NIBAN1: variants seen among roughly 807,000 people sequenced by gnomAD.
The protein encoded by NIBAN1 is niban apoptosis regulator 1.
In NIBAN1, 81 loss-of-function variants were observed where a neutral mutation model predicts 75.1. That is an observed-to-expected ratio of 1.08 (90% CI 0.90 to 1.30). The LOEUF is 1.30. NIBAN1 is among the 50% of genes most tolerant of loss of function. The pLI, the probability that NIBAN1 is intolerant of heterozygous loss-of-function variation, is 0.00. For synonymous variants in NIBAN1, 436 were observed against 424.8 expected, an observed-to-expected ratio of 1.03 and a Z score of -0.32; for missense variants, 1,133 against 1,128.1, an observed-to-expected ratio of 1.00 and a Z score of -0.06.
At chr1:184,892,366 G>T (rs1442997237) in intron 3 of NIBAN1, among the ~76,000 whole-genome samples, 1 of 152,088 alleles carries the variant, frequency 6.6e-6, no homozygotes, top group Non-Finnish European at 1.5e-5. Context: ...AGTGGTAAAG[G>T]TATGAGTCAA....
chr1:184,801,792 C>G (rs75206407), intron 12 of NIBAN1, among the ~76,000 whole-genome samples: 7,883 of 152,292 alleles, frequency 0.052, 236 homozygotes, highest in Middle Eastern at 0.065. Context: ...ACTCAATAAA[C>G]AGTAGACCTT....
At chr1:184,942,536 A>C (rs1371828686) in intron 1 of NIBAN1, among the ~76,000 whole-genome samples, 1 of 152,122 alleles carries the variant, frequency 6.6e-6, no homozygotes, top group African/African-American at 2.4e-5. Flanking sequence ...TACTAAAAAT[A>C]CAAAAAAATT....
At chr1:184,955,652 T>C (rs2102070016) in intron 1 of NIBAN1, among the ~76,000 whole-genome samples, 1 of 152,264 alleles carries the variant, frequency 6.6e-6, no homozygotes, top group Non-Finnish European at 1.5e-5. Flanking sequence ...TTTTCTTACA[T>C]AAAGAATATG....
chr1:184,834,294 TTG>T (rs1316535401), intron 5 of NIBAN1, among the ~76,000 whole-genome samples: 1 of 152,220 alleles, frequency 6.6e-6, no homozygotes, highest in Non-Finnish European at 1.5e-5. Flanking sequence ...GTCTTTGCTA[TTG>T]TGAATAGTGC....
At chr1:184,818,598 G>T in intron 9 of NIBAN1, 40 bp downstream of exon 9, 1 of 1,511,754 alleles carries the variant, frequency 6.6e-7, no homozygotes, top group South Asian at 1.3e-5. Context: ...ACACAGCCAG[G>T]CAGACCATTC....
intron 1 of NIBAN1, among the ~76,000 whole-genome samples, chr1:184,937,396 A>G (rs980373332): frequency 6.6e-6 from 1 of 152,286 alleles, no homozygotes; most frequent in South Asian, 2.1e-4. Context: ...TTGTCCCACT[A>G]GAACCCTTCC....
At chr1:184,809,118 G>A (rs935494047) in intron 9 of NIBAN1, among the ~76,000 whole-genome samples, 1 of 152,168 alleles carries the variant, frequency 6.6e-6, no homozygotes, top group East Asian at 1.9e-4. Context: ...AAGATGCACT[G>A]TCCGACTTTC....
chr1:184,948,943 A>T (rs1038700841), intron 1 of NIBAN1, among the ~76,000 whole-genome samples: 1 of 152,192 alleles, frequency 6.6e-6, no homozygotes, highest in African/African-American at 2.4e-5. Context: ...TTTATGTAGT[A>T]ATTTAGAATC....
intron 3 of NIBAN1, among the ~76,000 whole-genome samples, chr1:184,892,581 G>A (rs1656696564): frequency 6.6e-6 from 1 of 151,992 alleles, no homozygotes; most frequent in African/African-American, 2.4e-5. Flanking sequence ...CTTAATAAAT[G>A]TTGAAAAGAG....
chr1:184,881,231 A>G (rs1165042059), intron 5 of NIBAN1, among the ~76,000 whole-genome samples: 4 of 152,128 alleles, frequency 2.6e-5, no homozygotes, highest in African/African-American at 4.8e-5. Context: ...GCCCTTACCT[A>G]CCTTAGGAGC....
chr1:184,877,562 A>G (rs1656265136), intron 5 of NIBAN1, among the ~76,000 whole-genome samples: 1 of 152,180 alleles, frequency 6.6e-6, no homozygotes, highest in South Asian at 2.1e-4. Context: ...AAGCTTGTTC[A>G]TGGTATGGGA....
chr1:184,845,631 C>T lies in NIBAN1; in HGVS notation c.602-13669G>A, dbSNP rs1309090047. On this transcript the variant is annotated intron_variant, in intron 5 of 13. Transcript: ENST00000367511. ...AAAGGGAATGTGGAGCCAAGATGGC[C>T]GAATAGGAACAGCTCCGGTCTACAG... 7.1e-5 allele frequency among the ~76,000 whole-genome samples: 2 copies of T among 28,064 alleles called. 1 individual carries two copies. The highest frequency in any genetic ancestry group is 4.4e-4 in the African/African-American group (2 of 4,548). 18.4% of individuals were successfully genotyped at this position (28,064 alleles called of 152,430 possible). A position where few individuals can be genotyped will look rare whatever the true frequency, so the allele number is the denominator to read the frequency against.
intron 1 of NIBAN1, among the ~76,000 whole-genome samples, chr1:184,956,037 T>G (rs72739649): frequency 3.6e-5 from 2 of 55,558 alleles, no homozygotes; most frequent in Non-Finnish European, 4.1e-5. Context: ...TTGTTTGTTT[T>G]TTTTTTTTAG....
At chr1:184,855,892 A>G (rs1313943085) in intron 5 of NIBAN1, among the ~76,000 whole-genome samples, 3 of 152,230 alleles carry the variant, frequency 2.0e-5, no homozygotes, top group African/African-American at 4.8e-5. Flanking sequence ...AAATTAATGT[A>G]TAAGTATTCA....
chr1:184,817,494 G>A (rs1654572207), intron 9 of NIBAN1, among the ~76,000 whole-genome samples: 1 of 152,204 alleles, frequency 6.6e-6, no homozygotes, highest in Non-Finnish European at 1.5e-5. Context: ...CGCCGACAGT[G>A]TAAAAGCATT....
intron 1 of NIBAN1, among the ~76,000 whole-genome samples, chr1:184,931,701 A>T (rs1345806130): frequency 1.3e-5 from 2 of 152,242 alleles, no homozygotes; most frequent in Non-Finnish European, 2.9e-5. Flanking sequence ...AGACATGTGC[A>T]AAGAATTGTC....
chr1:184,937,998 C>T (rs1363519097), intron 1 of NIBAN1, among the ~76,000 whole-genome samples: 5 of 151,940 alleles, frequency 3.3e-5, no homozygotes, highest in South Asian at 4.2e-4. Context: ...TCAGGCCAGC[C>T]GAGGCAAAAG....
intron 8 of NIBAN1, among the ~76,000 whole-genome samples, chr1:184,820,053 A>C (rs909681680): frequency 3.9e-5 from 6 of 152,246 alleles, no homozygotes; most frequent in Admixed American, 2.6e-4. Context: ...AAAATATTAC[A>C]CAAGTCATAG....
intron 12 of NIBAN1, among the ~76,000 whole-genome samples, chr1:184,802,961 A>G (rs1654085612): frequency 6.6e-6 from 1 of 152,148 alleles, no homozygotes; most frequent in Non-Finnish European, 1.5e-5. Flanking sequence ...GGATATAAAT[A>G]ATACCTCCTC....
Sources: allele counts gnomAD v4.1 joint callset (sites outside exome capture counted in the v4.1 genomes callset), GRCh38; gene constraint gnomAD v4.1.1; transcripts MANE v1.5; gene names NCBI Gene and HGNC (gene_info 2026-07-23, HGNC 2026-07-21).